FOXN3: variants seen among roughly 807,000 people sequenced by gnomAD.
FOXN3 encodes the protein forkhead box protein N3.
Under a neutral mutation model 38.4 loss-of-function variants are expected in FOXN3, and 7 were observed. The observed-to-expected ratio is 0.18, with a 90% CI of 0.10 to 0.34. FOXN3 has a LOEUF of 0.34. Ranked by LOEUF, FOXN3 falls within the 10% of genes least tolerant of loss-of-function variation. The pLI is 1.00. For synonymous variants in FOXN3, 230 were observed against 242.2 expected (o/e 0.95, Z 0.47); for missense variants, 456 against 613.4 (o/e 0.74, Z 2.71).
rs139526371 is a variant in FOXN3 at position 89,584,859 on chromosome 14, C to T, written c.-15+34169G>A. 4.9e-3 allele frequency among the ~76,000 whole-genome samples: 752 copies of T among 152,134 alleles called. 2 individuals are homozygous for T. Among genetic ancestry groups the T allele is most frequent in the Non-Finnish European group, 8.1e-3 (553 of 67,990 alleles). On this transcript the variant is annotated intron_variant, in intron 1 of 6. Transcript: ENST00000345097. ...TCCTGAGTAGCTGGGATTACAGGCA[C>T]CTGCCATCATGTCCGGCTAATTTCT...
chr14:89,309,254 T>C (rs900646000), intron 3 of FOXN3, among the ~76,000 whole-genome samples: 3 of 152,094 alleles, frequency 2.0e-5, no homozygotes, highest in Non-Finnish European at 4.4e-5. Flanking sequence ...ATTAATATTC[T>C]AGGACCCCAT....
At chr14:89,561,143 C>A (rs557774256) in intron 1 of FOXN3, among the ~76,000 whole-genome samples, 11 of 152,204 alleles carry the variant, frequency 7.2e-5, no homozygotes, top group Admixed American at 4.6e-4. Context: ...GGGTGGCCTC[C>A]GTGATAAAAG....
chr14:89,396,832 CAAAAAAAAA>C (rs11307508), intron 2 of FOXN3, among the ~76,000 whole-genome samples: 1 of 96,938 alleles, frequency 1.0e-5, no homozygotes, highest in African/African-American at 4.1e-5. Flanking sequence ...AACTCCATCT[CAAAAAAAAA>C]AAAAAAAAAA....
intron 4 of FOXN3, among the ~76,000 whole-genome samples, chr14:89,212,530 G>A (rs1167390895): frequency 1.3e-5 from 2 of 152,172 alleles, no homozygotes; most frequent in African/African-American, 4.8e-5. Flanking sequence ...GCAGTTGCAG[G>A]GGTGGCAGTG....
intron 1 of FOXN3, among the ~76,000 whole-genome samples, chr14:89,554,865 T>C (rs1313080863): frequency 8.4e-5 from 12 of 143,110 alleles, no homozygotes; most frequent in Non-Finnish European, 3.0e-5. Flanking sequence ...CTCAGCTCAC[T>C]GAAACCTCAG....
intron 1 of FOXN3, among the ~76,000 whole-genome samples, chr14:89,525,207 C>T (rs377861): frequency 4.0e-5 from 6 of 151,626 alleles, no homozygotes; most frequent in African/African-American, 9.7e-5. Flanking sequence ...GTGAGACAGG[C>T]GGTCAGCACA....
chr14:89,292,238 C>T (rs1377572749), intron 3 of FOXN3, among the ~76,000 whole-genome samples: 1 of 152,234 alleles, frequency 6.6e-6, no homozygotes, highest in African/African-American at 2.4e-5. Flanking sequence ...TTACCTCCCC[C>T]TTCCCAGGAC....
rs565427116 is a variant in FOXN3 at position 89,594,663 on chromosome 14, T to C, written c.-15+24365A>G. ...TAAATATCTCTTAAGTTGCCTTTCATTCTCTATATCTTTTGATGAACAAAA... is the reference window on the plus strand; with the variant it reads ...TAAATATCTCTTAAGTTGCCTTTCACTCTCTATATCTTTTGATGAACAAAA... On this transcript the variant is annotated intron_variant, in intron 1 of 6. Transcript: ENST00000345097. Among the ~76,000 whole-genome samples, 3 of 152,342 alleles carry C rather than the reference T, an allele frequency of 2.0e-5. No homozygotes were observed. The East Asian group carries it at 5.8e-4, about 29-fold the overall frequency.
chr14:89,355,813 T>G (rs374912659), intron 2 of FOXN3, among the ~76,000 whole-genome samples: 9 of 152,136 alleles, frequency 5.9e-5, no homozygotes, highest in African/African-American at 2.2e-4. Flanking sequence ...GACAGTAGTG[T>G]CTGGTTGTGT....
intron 1 of FOXN3, among the ~76,000 whole-genome samples, chr14:89,616,426 T>C (rs1896493895): frequency 6.6e-6 from 1 of 152,158 alleles, no homozygotes; most frequent in Non-Finnish European, 1.5e-5. Context: ...CTTATTTTCA[T>C]TTAGATTTTC....
chr14:89,368,536 T>G (rs1890222677), intron 2 of FOXN3, among the ~76,000 whole-genome samples: 1 of 152,120 alleles, frequency 6.6e-6, no homozygotes, highest in Non-Finnish European at 1.5e-5. Context: ...TCCCAGCTAC[T>G]CAGGAGGCTG....
chr14:89,175,400 T>C (rs1887495515), intron 5 of FOXN3, among the ~76,000 whole-genome samples: 1 of 152,186 alleles, frequency 6.6e-6, no homozygotes, highest in Non-Finnish European at 1.5e-5. Flanking sequence ...GTGGCATGAA[T>C]TTAATTTAAG....
Position 89,543,281 on chromosome 14 carries a change from T to C in FOXN3, c.-15+75747A>G, listed in dbSNP as rs1217702075. Among the ~76,000 whole-genome samples, 4 of 152,094 alleles carry C rather than the reference T, an allele frequency of 2.6e-5. No homozygotes were observed. The East Asian group carries it at 7.7e-4, about 29-fold the overall frequency. On this transcript the variant is annotated intron_variant, in intron 1 of 6. Transcript: ENST00000345097. ...CGGTCCACACCCATTGCCTGTGAGG[T>C]AGTTTCTACAGAGATGAAACAATGA...
chr14:89,260,977 A>G lies in FOXN3; in HGVS notation c.745+19973T>C, dbSNP rs551297011. 9.8e-5 allele frequency among the ~76,000 whole-genome samples: 15 copies of G among 152,348 alleles called. No individual in the cohort carries two copies. In the East Asian group the frequency reaches 2.9e-3, roughly 29 times the overall value. Reference sequence around the variant, plus strand: ...ATAACCCCAATTTACATGTTAGCATATGTAAATTGCTCAGTCTGCTACCTG... The same window carrying G: ...ATAACCCCAATTTACATGTTAGCATGTGTAAATTGCTCAGTCTGCTACCTG... On this transcript the variant is annotated intron_variant, in intron 4 of 5. Transcript: ENST00000557258.
chr14:89,162,561 G>A lies in FOXN3; in HGVS notation c.1260C>T (p.Thr420=), dbSNP rs773890340. The A allele has an allele frequency of 3.9e-5, 63 of 1,613,644 alleles. No individual in the cohort carries two copies. Among genetic ancestry groups the A allele is most frequent in the East Asian group, 2.2e-5 (1 of 44,864 alleles). The change falls in exon 6 of 6, where the codon ACC becomes ACT. Residue 420 remains threonine (T), a synonymous_variant. Transcript: ENST00000557258. The surrounding 1 kb of genome is among the most constrained non-coding windows in gnomAD (Gnocchi z 7.2). Reference sequence around the variant, plus strand: ...CATCATCGCTCTCGGGGGGCTTTTCGGTGCGTCTCTTTTTGAGGGGCAGTG... The same window carrying A: ...CATCATCGCTCTCGGGGGGCTTTTCAGTGCGTCTCTTTTTGAGGGGCAGTG... The part of the protein sequence containing the change: ...SDTLPLKKRR[T]EKPPESDDEE...
rs530540674 is a variant in FOXN3 at position 89,198,501 on chromosome 14, A to T, written c.746-17695T>A. On this transcript the variant is annotated intron_variant, in intron 4 of 5. Transcript: ENST00000557258. Reference sequence around the variant, plus strand: ...CAAGCAAACAAATAAACAAAACTCCAAGTAAGCTGTGGATTTTGTGGGGAA... The same window carrying T: ...CAAGCAAACAAATAAACAAAACTCCTAGTAAGCTGTGGATTTTGTGGGGAA... Among the ~76,000 whole-genome samples the T allele has an allele frequency of 7.8e-4, 119 of 152,322 alleles. 1 individual carries two copies. Among genetic ancestry groups the T allele is most frequent in the African/African-American group, 2.8e-3 (116 of 41,578 alleles).
intron 3 of FOXN3, among the ~76,000 whole-genome samples, chr14:89,285,543 GAGA>G (rs1421872214): frequency 2.6e-5 from 4 of 151,330 alleles, no homozygotes; most frequent in African/African-American, 9.7e-5. Context: ...AAAAGAGAGA[GAGA>G]AGAAGATGCT....
chr14:89,487,667 T>A (rs1303502078), intron 1 of FOXN3, among the ~76,000 whole-genome samples: 1 of 152,174 alleles, frequency 6.6e-6, no homozygotes, highest in Admixed American at 6.5e-5. Flanking sequence ...AGGGATCGCA[T>A]CATGGAGGGA....
chr14:89,306,336 A>G (rs1354463365), intron 3 of FOXN3, among the ~76,000 whole-genome samples: 3 of 31,082 alleles, frequency 9.7e-5, no homozygotes, highest in African/African-American at 1.4e-4. Flanking sequence ...AGACGCATGC[A>G]CACACACACA....
Sources: gnomAD v4.1 joint callset for allele counts (sites outside exome capture counted in the v4.1 genomes callset) on GRCh38, gnomAD v4.1.1 for gene constraint, Gnocchi (gnomAD v3.1) non-coding constraint, MANE v1.5 for transcripts, NCBI Gene and HGNC (gene_info 2026-07-23, HGNC 2026-07-21) for gene names.